The following HMGCLL1 variants were observed in gnomAD, a reference collection of about 807,000 sequenced individuals.
HMGCLL1 encodes the protein 3-hydroxy-3-methylglutaryl-CoA lyase like 1, also known as 3-hydroxymethyl-3-methylglutaryl-CoA lyase, cytoplasmic.
HMGCLL1 carries 36 observed loss-of-function variants against 39.1 expected under a neutral mutation model. That is an observed-to-expected ratio of 0.92 (90% CI 0.71 to 1.22). The LOEUF (loss-of-function observed/expected upper bound fraction) is 1.22, where lower values mean the gene tolerates loss of function less well. Among genes scored for constraint, HMGCLL1 ranks in the 50% most tolerant of loss-of-function variants. The pLI is 0.00. For synonymous variants in HMGCLL1, 149 were observed against 144.0 expected (o/e 1.03, Z -0.25); for missense variants, 451 against 416.5 (o/e 1.08, Z -0.72).
At chr6:55,654,016 T>A in the HMGCLL1 span, among the ~76,000 whole-genome samples, 1 of 152,024 alleles carries the variant, frequency 6.6e-6, no homozygotes. Context: ...GGGCAGTATT[T>A]AATGGTGAGC....
At chr6:55,468,687 A>G (rs1764896473) in intron 7 of HMGCLL1, among the ~76,000 whole-genome samples, 1 of 152,022 alleles carries the variant, frequency 6.6e-6, no homozygotes, top group Non-Finnish European at 1.5e-5. Context: ...AGATAAGGGA[A>G]CAATGGAGCA....
intron 5 of HMGCLL1, among the ~76,000 whole-genome samples, chr6:55,502,258 C>A (rs532616718): frequency 6.6e-6 from 1 of 151,764 alleles, no homozygotes; most frequent in Non-Finnish European, 1.5e-5. Context: ...ATTTTACTGT[C>A]AAGCTAATTC....
chr6:55,672,540 G>A, the HMGCLL1 span, among the ~76,000 whole-genome samples: 1 of 151,724 alleles, frequency 6.6e-6, no homozygotes, highest in Non-Finnish European at 1.5e-5. Context: ...CTTGAAGACA[G>A]GAAGAATCCT....
Position 55,539,684 on chromosome 6 carries a change from C to A in HMGCLL1, c.297+2045G>T, listed in dbSNP as rs537766840. Among the ~76,000 whole-genome samples, 11 of 151,188 alleles carry A rather than the reference C, an allele frequency of 7.3e-5. No homozygotes were observed. The East Asian group carries it at 2.0e-3, about 27-fold the overall frequency. ...CACGGACACATAGAGAGGAACAACA[C>A]ACACTGGAGCGTATGGAAGAGTTGA... is the stretch of plus-strand genomic sequence containing the variant. On this transcript the variant is annotated intron_variant, in intron 3 of 8. Transcript: ENST00000274901.
Position 55,516,552 on chromosome 6 carries a change from G to A in HMGCLL1, c.349C>T (p.Arg117Cys), listed in dbSNP as rs200829639. The change falls in exon 4 of 9, where the codon CGC becomes TGC. Residue 117 changes from arginine to cysteine, a missense_variant. Physicochemically the swap from Arg to Cys is radical, Grantham distance 180. Transcript: ENST00000274901. Reference protein sequence around the residue: ...MKGIHQYPGVRYPVLTPNLQG... With the variant: ...MKGIHQYPGVCYPVLTPNLQG... ...AGATTAGGAGTAAGGACAGGATAGC[G>A]AACTCCTGGATATTGATGAATGCCT... is the stretch of plus-strand genomic sequence containing the variant. 9.0e-5 allele frequency: 144 copies of A among 1,602,586 alleles called. No homozygotes were observed. Among genetic ancestry groups the A allele is most frequent in the South Asian group, 3.6e-4 (32 of 89,124 alleles).
the HMGCLL1 span, among the ~76,000 whole-genome samples, chr6:55,606,678 T>C: frequency 1.3e-5 from 2 of 152,162 alleles, no homozygotes; most frequent in African/African-American, 2.4e-5. Flanking sequence ...TATTCTGTGT[T>C]GTAGACAGAA....
chr6:55,538,447 C>T (rs4360137), intron 3 of HMGCLL1, among the ~76,000 whole-genome samples: 102,156 of 151,976 alleles, frequency 0.67, 34,535 homozygotes, highest in Admixed American at 0.72. Flanking sequence ...GATATAAAGA[C>T]AATAAAAATG....
chr6:55,575,640 T>G (rs1771726204), intron 1 of HMGCLL1, among the ~76,000 whole-genome samples: 1 of 152,196 alleles, frequency 6.6e-6, no homozygotes, highest in Non-Finnish European at 1.5e-5. Context: ...GGTTTATTCA[T>G]GATTCTCTCT....
chr6:55,565,402 G>C (rs573574360), intron 1 of HMGCLL1, among the ~76,000 whole-genome samples: 2 of 152,102 alleles, frequency 1.3e-5, no homozygotes, highest in East Asian at 1.9e-4. Flanking sequence ...TAATTTTCCA[G>C]ATTCCTATTA....
At position 55,435,250 on chromosome 6, in the gene HMGCLL1, G is replaced by A. The variant is rs1763324022; in HGVS notation, c.*412C>T. 1 of 154,384 alleles carries A rather than the reference G, an allele frequency of 6.5e-6. No homozygotes were observed. The highest frequency in any genetic ancestry group is 2.4e-5 in the African/African-American group (1 of 41,446). 9.6% of individuals were successfully genotyped at this position (154,384 alleles called of 1,614,324 possible). A position where few individuals can be genotyped will look rare whatever the true frequency, so the allele number is the denominator to read the frequency against. On this transcript the variant is annotated 3_prime_UTR_variant, in exon 9 of 9. Coordinates refer to ENST00000274901, the MANE Select transcript of HMGCLL1 (RefSeq NM_001042406.2). ...CAGAGGCATAATGTATAATATTGAG[G>A]CCACACACTCTGCATACTATGCAGG...
At chr6:55,494,907 T>C (rs941502029) in intron 7 of HMGCLL1, among the ~76,000 whole-genome samples, 2 of 152,200 alleles carry the variant, frequency 1.3e-5, no homozygotes, top group Non-Finnish European at 2.9e-5. Context: ...TAATGGAATA[T>C]AGTGATTAAA....
chr6:55,597,978 C>A, the HMGCLL1 span, among the ~76,000 whole-genome samples: 1 of 151,942 alleles, frequency 6.6e-6, no homozygotes, highest in Non-Finnish European at 1.5e-5. Flanking sequence ...GACTGGTCTG[C>A]GTGGCTAAAA....
chr6:55,610,063 A>G, the HMGCLL1 span, among the ~76,000 whole-genome samples: 18 of 152,188 alleles, frequency 1.2e-4, no homozygotes, highest in Non-Finnish European at 2.1e-4. Context: ...AGACAAACTC[A>G]TGAAGATGAG....
the HMGCLL1 span, among the ~76,000 whole-genome samples, chr6:55,630,562 CA>C: frequency 2.0e-5 from 3 of 151,846 alleles, no homozygotes; most frequent in South Asian, 2.1e-4. Flanking sequence ...TGGGAGGGGC[CA>C]GGGGTGAAAT....
At position 55,495,505 on chromosome 6, in the gene HMGCLL1, T is replaced by C. The variant is rs933006901; in HGVS notation, c.709A>G (p.Met237Val). ...AGAGCACCTGGTGGGATTTCTTTCA[T>C]CACACTTTCCAACATTCTTTTCATA... ...GSMKRMLESV[M>V]KEIPPGALAV... Residue 237 changes from methionine (M) to valine (V), a missense_variant, in exon 7 of 9, where the codon ATG (methionine) becomes GTG (valine). Physicochemically the swap from Met to Val is conservative, Grantham distance 21. Coordinates refer to ENST00000274901, the MANE Select transcript of HMGCLL1 (RefSeq NM_001042406.2). 2 of 1,613,938 alleles carry C rather than the reference T, an allele frequency of 1.2e-6. No individual in the cohort carries two copies. Among genetic ancestry groups the C allele is most frequent in the Admixed American group, 1.7e-5 (1 of 60,002 alleles).
chr6:55,542,564 G>C (rs534100327), intron 1 of HMGCLL1, among the ~76,000 whole-genome samples: 1 of 151,710 alleles, frequency 6.6e-6, no homozygotes, highest in African/African-American at 2.4e-5. Flanking sequence ...AGGATCATGA[G>C]GTCAGGAGTT....
At chr6:55,457,020 A>G (rs1764352540) in intron 7 of HMGCLL1, among the ~76,000 whole-genome samples, 1 of 152,038 alleles carries the variant, frequency 6.6e-6, no homozygotes, top group Non-Finnish European at 1.5e-5. Flanking sequence ...GGTCCTGCTA[A>G]CCTCTGGGAT....
At chr6:55,611,681 C>T in the HMGCLL1 span, among the ~76,000 whole-genome samples, 1 of 151,820 alleles carries the variant, frequency 6.6e-6, no homozygotes, top group African/African-American at 2.4e-5. Flanking sequence ...TAAACATAAT[C>T]TGTCACTTAA....
chr6:55,563,981 C>T (rs1771092558), intron 1 of HMGCLL1: 2 of 716,696 alleles, frequency 2.8e-6, no homozygotes, highest in South Asian at 1.4e-5. Context: ...CCTCAACATT[C>T]AGCACGTGCA....
Sources: allele counts gnomAD v4.1 joint callset (sites outside exome capture counted in the v4.1 genomes callset), GRCh38; gene constraint gnomAD v4.1.1; transcripts MANE v1.5; gene names NCBI Gene and HGNC (gene_info 2026-07-23, HGNC 2026-07-21).